Variants in NCKAP1 observed in about 807,000 individuals in gnomAD.
The protein encoded by NCKAP1 is NCK associated protein 1, also known as nck-associated protein 1.
NCKAP1 carries 21 observed loss-of-function variants against 151.2 expected under a neutral mutation model. That is an observed-to-expected ratio of 0.14 (90% confidence interval 0.10 to 0.20). NCKAP1 has a LOEUF of 0.20. Ranked by LOEUF, NCKAP1 falls within the 10% of genes least tolerant of loss-of-function variation. The probability of loss-of-function intolerance (pLI) is 1.00; values close to 1 mark genes in which losing one functional copy is unlikely to be tolerated. For synonymous variants in NCKAP1, 484 were observed against 451.8 expected (o/e 1.07, Z -0.90); for missense variants, 933 against 1,352.1 (o/e 0.69, Z 4.86).
intron 1 of NCKAP1, among the ~76,000 whole-genome samples, chr2:183,036,752 G>A (rs151248015): frequency 6.7e-6 from 1 of 150,158 alleles, no homozygotes. Flanking sequence ...TTTAGAATTA[G>A]TGTCTACATC....
Position 183,003,163 on chromosome 2 carries a change from C to G in NCKAP1, c.312+70G>C, listed in dbSNP as rs867187938. On this transcript the variant is annotated intron_variant, in intron 3 of 30. Transcript: ENST00000361354. Reference sequence around the variant, plus strand: ...ATTTTATTATTTACAACTGACACAGCAATTCACACAATTAATAAACATTTA... The same window carrying G: ...ATTTTATTATTTACAACTGACACAGGAATTCACACAATTAATAAACATTTA... The G allele has an allele frequency of 1.5e-5, 18 of 1,211,088 alleles. 1 individual carries two copies. The highest frequency in any genetic ancestry group is 2.8e-4 in the Middle Eastern group (1 of 3,604). 75.0% of individuals were successfully genotyped at this position (1,211,088 alleles called of 1,614,324 possible). A position where few individuals can be genotyped will look rare whatever the true frequency, so the allele number is the denominator to read the frequency against.
intron 23 of NCKAP1, among the ~76,000 whole-genome samples, chr2:182,949,650 C>T (rs975576893): frequency 6.6e-6 from 1 of 152,022 alleles, no homozygotes; most frequent in Non-Finnish European, 1.5e-5. Flanking sequence ...AAAAATTAGC[C>T]GTACTTGCTG....
Position 182,921,447 on chromosome 2 carries a change from A to G in NCKAP1, c.*4255T>C, listed in dbSNP as rs2105791385. ...ATACTACAACTGAGACAAGGCAATC[A>G]CCAAGGTCACATACCTAGTACAACC... On this transcript the variant is annotated 3_prime_UTR_variant, in exon 31 of 31. Coordinates refer to ENST00000361354, the MANE Select transcript of NCKAP1 (RefSeq NM_013436.5). The G allele has an allele frequency of 6.6e-6, 1 of 152,356 alleles. No homozygotes were observed. The highest frequency in any genetic ancestry group is 2.1e-4 in the South Asian group (1 of 4,828). The allele number at this position is 152,356 out of a possible 1,614,324, so 9.4% of individuals were successfully genotyped here.
At chr2:183,026,962 T>C (rs1192455111) in intron 1 of NCKAP1, among the ~76,000 whole-genome samples, 3 of 152,218 alleles carry the variant, frequency 2.0e-5, no homozygotes, top group Non-Finnish European at 2.9e-5. Context: ...ACTAGCAAGT[T>C]AGTGTTAACT....
At chr2:182,963,451 A>C (rs1697497167) in intron 17 of NCKAP1, among the ~76,000 whole-genome samples, 1 of 152,152 alleles carries the variant, frequency 6.6e-6, no homozygotes, top group African/African-American at 2.4e-5. Flanking sequence ...GAGAAAAACT[A>C]AGGTTTAACA....
In NCKAP1 at chr2:182,967,367, A is replaced by AAAT. The variant is rs746322584; in HGVS notation, c.1483-7_1483-6insATT. 4 of 1,587,708 alleles carry AAAT rather than the reference A, an allele frequency of 2.5e-6. No individual in the cohort carries two copies. Among genetic ancestry groups the AAAT allele is most frequent in the Non-Finnish European group, 3.4e-6 (4 of 1,172,050 alleles). On this transcript the variant is annotated splice_region_variant and splice_polypyrimidine_tract_variant and intron_variant, in intron 15 of 30. Transcript: ENST00000361354. ...TTTGAGACACTAGTATATGCCTATA[A>AAAT]AGTACAAAAAAAAAAAAGTAGTTCA...
Position 182,968,259 on chromosome 2 carries a change from G to A in NCKAP1, c.1483-898C>T, listed in dbSNP as rs529975221. 2.8e-4 allele frequency among the ~76,000 whole-genome samples: 43 copies of A among 152,322 alleles called. No individual in the cohort carries two copies. The South Asian group carries it at 8.5e-3, about 30-fold the overall frequency. Reference sequence around the variant, plus strand: ...AGGGAAAGGAAGCAGAAATCTATTAGAAGGCAGTAGTGGCAATAAGACGGC... The same window carrying A: ...AGGGAAAGGAAGCAGAAATCTATTAAAAGGCAGTAGTGGCAATAAGACGGC... On this transcript the variant is annotated intron_variant, in intron 15 of 30. Coordinates refer to ENST00000361354, the MANE Select transcript of NCKAP1 (RefSeq NM_013436.5).
At chr2:183,025,337 T>A (rs1698875429) in intron 1 of NCKAP1, among the ~76,000 whole-genome samples, 1 of 152,130 alleles carries the variant, frequency 6.6e-6, no homozygotes, top group African/African-American at 2.4e-5. Context: ...TCAGTGAAAT[T>A]TTACATACCT....
At chr2:182,971,645 A>G (rs1330626751) in intron 15 of NCKAP1, among the ~76,000 whole-genome samples, 1 of 152,158 alleles carries the variant, frequency 6.6e-6, no homozygotes, top group African/African-American at 2.4e-5. Flanking sequence ...GAGGAATCAC[A>G]TTACTGATCG....
At chr2:182,968,177 T>C (rs1697614468) in intron 15 of NCKAP1, among the ~76,000 whole-genome samples, 1 of 152,168 alleles carries the variant, frequency 6.6e-6, no homozygotes, top group South Asian at 2.1e-4. Context: ...GGTGGCCAGT[T>C]TTTGTTTTAG....
In NCKAP1 at chr2:182,928,240, A is replaced by T; in HGVS notation, c.3071-14T>A. 1 of 1,583,292 alleles carries T rather than the reference A, an allele frequency of 6.3e-7. No individual in the cohort carries two copies. Among genetic ancestry groups the T allele is most frequent in the Non-Finnish European group, 8.6e-7 (1 of 1,156,124 alleles). On this transcript the variant is annotated splice_polypyrimidine_tract_variant and intron_variant, in intron 28 of 30. Transcript: ENST00000361354. Reference sequence around the variant, plus strand: ...TGTTGCAATGCCCTGAGAAAATGCAAATAGGGTTGTGTAGACCCCAAAATA... The same window carrying T: ...TGTTGCAATGCCCTGAGAAAATGCATATAGGGTTGTGTAGACCCCAAAATA...
intron 2 of NCKAP1, among the ~76,000 whole-genome samples, chr2:183,021,124 ATTCT>A (rs1698790327): frequency 6.6e-6 from 1 of 152,258 alleles, no homozygotes; most frequent in South Asian, 2.1e-4. Flanking sequence ...CCACCCAGCA[ATTCT>A]TTCACAGGTT....
At chr2:183,011,199 G>A (rs936078321) in intron 2 of NCKAP1, among the ~76,000 whole-genome samples, 2 of 152,102 alleles carry the variant, frequency 1.3e-5, no homozygotes, top group Non-Finnish European at 2.9e-5. Flanking sequence ...GACTCAACAA[G>A]TTTGGTCATA....
At chr2:182,939,763 T>C (rs1258207786) in intron 24 of NCKAP1, among the ~76,000 whole-genome samples, 1 of 152,154 alleles carries the variant, frequency 6.6e-6, no homozygotes, top group Admixed American at 6.6e-5. Flanking sequence ...AACAGTTCAA[T>C]TGCTGAAAAA....
Position 182,962,274 on chromosome 2 carries a change from T to A in NCKAP1, c.1766A>T (p.His589Leu). The change falls in exon 18 of 31, where the codon CAT becomes CTT. Residue 589 changes from histidine (H) to leucine (L), a missense_variant. Physicochemically the swap from His to Leu is moderately conservative, Grantham distance 99 (BLOSUM62 -3). Around this residue, in one of 2 missense-constraint regions of NCKAP1, gnomAD observed 607 missense variants for 795.0 expected, o/e 0.76. Transcript: ENST00000361354. The stretch of plus-strand genomic sequence containing the variant: ...GGAAAGACTGCGATCTCCAATATGA[T>A]GTCGCTGTGAAGGCAGAATAATAAT... ...CTHELCPEER[H>L]HIGDRSLSLC... The A allele has an allele frequency of 6.2e-7, 1 of 1,604,268 alleles. No homozygotes were observed. The highest frequency in any genetic ancestry group is 8.5e-7 in the Non-Finnish European group (1 of 1,173,852).
At chr2:182,949,184 T>G (rs1359085308) in intron 23 of NCKAP1, among the ~76,000 whole-genome samples, 1 of 152,198 alleles carries the variant, frequency 6.6e-6, no homozygotes, top group Non-Finnish European at 1.5e-5. Flanking sequence ...TAAGATGGCC[T>G]CATTTTCAAA....
chr2:183,015,504 A>G (rs1364111167), intron 2 of NCKAP1, among the ~76,000 whole-genome samples: 1 of 151,972 alleles, frequency 6.6e-6, no homozygotes, highest in African/African-American at 2.4e-5. Flanking sequence ...AAAATTATAA[A>G]AAGGTGACAT....
rs189475672 is a variant in NCKAP1, at chr2:182,973,273, T to C, written c.1482+3620A>G. ...GGATGGTAACAAAACAAGATAATGA[T>C]TTAACTGCTTGACAACAATGGGGGG... On this transcript the variant is annotated intron_variant, in intron 15 of 30. Coordinates refer to ENST00000361354, the MANE Select transcript of NCKAP1 (RefSeq NM_013436.5). Among the ~76,000 whole-genome samples the C allele has an allele frequency of 2.6e-5, 4 of 152,166 alleles. No individual in the cohort carries two copies. In the East Asian group the frequency reaches 5.8e-4, roughly 22 times the overall value.
intron 18 of NCKAP1, 48 bp downstream of exon 18, chr2:182,962,111 T>C (rs1575032935): frequency 6.5e-7 from 1 of 1,546,706 alleles, no homozygotes; most frequent in Admixed American, 1.9e-5. Flanking sequence ...CACATTTTCT[T>C]GCCTTCACAC....
Sources: gnomAD v4.1 joint callset for allele counts (sites outside exome capture counted in the v4.1 genomes callset) on GRCh38, gnomAD v4.1.1 for gene constraint, gnomAD v4.1.1 regional missense constraint, MANE v1.5 for transcripts, NCBI Gene and HGNC (gene_info 2026-07-23, HGNC 2026-07-21) for gene names.